SLC9B2: variants seen among roughly 807,000 people sequenced by gnomAD.
SLC9B2 encodes solute carrier family 9 member B2.
In SLC9B2, 39 loss-of-function variants were observed where a neutral mutation model predicts 52.2. The observed-to-expected ratio is 0.75, with a 90% CI of 0.58 to 0.98. The LOEUF (loss-of-function observed/expected upper bound fraction) is 0.98. Among genes scored for constraint, SLC9B2 ranks in the 50% least tolerant of loss-of-function variants. The pLI is 0.00. For missense variants in SLC9B2, 626 were observed against 637.5 expected (o/e 0.98, Z 0.19); for synonymous variants, 214 against 227.0 (o/e 0.94, Z 0.51).
intron 4 of SLC9B2, 107 bp downstream of exon 4, chr4:103,057,694 A>G: frequency 8.0e-7 from 1 of 1,245,800 alleles, no homozygotes; most frequent in Non-Finnish European, 1.1e-6. Flanking sequence ...TGGCTCCAGC[A>G]TGGCAAATAC....
intron 9 of SLC9B2, among the ~76,000 whole-genome samples, chr4:103,036,029 T>G (rs914544935): frequency 6.6e-6 from 1 of 152,176 alleles, no homozygotes; most frequent in Non-Finnish European, 1.5e-5. Context: ...GCAATGGTAC[T>G]GGTACTAAGA....
intron 9 of SLC9B2, among the ~76,000 whole-genome samples, chr4:103,038,692 G>A (rs1270415666): frequency 1.3e-5 from 2 of 152,084 alleles, no homozygotes; most frequent in Non-Finnish European, 2.9e-5. Context: ...ATAAATGGAA[G>A]TTTCATCATG....
In SLC9B2 at chr4:103,026,282, T is replaced by G; in HGVS notation, c.*88A>C. ...CTACACTTTTGGTTCTATTACATTT[T>G]AAGCTTAAACATTACATATTTCAAT... On this transcript the variant is annotated 3_prime_UTR_variant, in exon 12 of 12. Transcript: ENST00000394785. 11 of 1,244,462 alleles carry G rather than the reference T, an allele frequency of 8.8e-6. No homozygotes were observed. The highest frequency in any genetic ancestry group is 1.2e-5 in the Non-Finnish European group (11 of 893,942). 77.1% of individuals were successfully genotyped at this position (1,244,462 alleles called of 1,614,324 possible). A position where few individuals can be genotyped will look rare whatever the true frequency, so the allele number is the denominator to read the frequency against.
At chr4:103,044,070 AT>A (rs1331228432) in intron 8 of SLC9B2, among the ~76,000 whole-genome samples, 13 of 152,044 alleles carry the variant, frequency 8.6e-5, no homozygotes, top group Admixed American at 8.5e-4. Flanking sequence ...AAACTTCTTG[AT>A]CACTTTAGAA....
chr4:103,057,211 T>C (rs1330375375), intron 4 of SLC9B2, among the ~76,000 whole-genome samples: 1 of 150,594 alleles, frequency 6.6e-6, no homozygotes, highest in Non-Finnish European at 1.5e-5. Flanking sequence ...TGTTGAGCAC[T>C]GAATGCTTGT....
intron 9 of SLC9B2, among the ~76,000 whole-genome samples, chr4:103,034,274 C>G (rs1218137516): frequency 6.6e-6 from 1 of 152,048 alleles, no homozygotes; most frequent in Non-Finnish European, 1.5e-5. Context: ...TGACGCTGGA[C>G]CCCTTCCTTA....
At chr4:103,049,202 C>T (rs1006651455) in intron 5 of SLC9B2, among the ~76,000 whole-genome samples, 182 bp from the exon 6 acceptor site, 23 of 152,290 alleles carry the variant, frequency 1.5e-4, no homozygotes, top group African/African-American at 5.5e-4. Context: ...ATTAAGTCCT[C>T]ACTGCAACCT....
At chr4:103,030,089 A>C (rs1287200472) in intron 10 of SLC9B2, among the ~76,000 whole-genome samples, 1 of 152,176 alleles carries the variant, frequency 6.6e-6, no homozygotes, top group Non-Finnish European at 1.5e-5. Context: ...AAACATTGAA[A>C]GTTTGAGAAG....
chr4:103,040,395 T>C (rs1743531667), intron 9 of SLC9B2, among the ~76,000 whole-genome samples: 1 of 152,236 alleles, frequency 6.6e-6, no homozygotes, highest in Admixed American at 6.5e-5. Flanking sequence ...ATTATAATGC[T>C]TCAGACTAGT....
intron 3 of SLC9B2, among the ~76,000 whole-genome samples, chr4:103,062,117 G>C (rs1745696656): frequency 6.6e-6 from 1 of 152,184 alleles, no homozygotes; most frequent in Non-Finnish European, 1.5e-5. Context: ...CAGCAAGGTA[G>C]AATTAAGTGT....
intron 3 of SLC9B2, among the ~76,000 whole-genome samples, chr4:103,061,049 C>T (rs1299615681): frequency 6.6e-6 from 1 of 152,182 alleles, no homozygotes; most frequent in Non-Finnish European, 1.5e-5. Flanking sequence ...CCAACCTGGG[C>T]AGGCTCTAGC....
chr4:103,065,180 GCACACACACA>G (rs58302558), intron 3 of SLC9B2, among the ~76,000 whole-genome samples: 682 of 145,154 alleles, frequency 4.7e-3, no homozygotes, highest in Non-Finnish European at 7.4e-3. Context: ...GTACACACAC[GCACACACACA>G]CACACACACA....
At chr4:103,029,235 C>CT (rs1742487223) in intron 10 of SLC9B2, among the ~76,000 whole-genome samples, 1 of 152,026 alleles carries the variant, frequency 6.6e-6, no homozygotes, top group South Asian at 2.1e-4. Context: ...AAGTAATAAG[C>CT]TTTAAACTAA....
intron 7 of SLC9B2, among the ~76,000 whole-genome samples, chr4:103,045,307 T>G (rs1744023559): frequency 6.6e-6 from 1 of 152,210 alleles, no homozygotes; most frequent in Non-Finnish European, 1.5e-5. Flanking sequence ...TTCTGTGGTC[T>G]CTTGTTATTA....
intron 3 of SLC9B2, among the ~76,000 whole-genome samples, chr4:103,065,177 C>T (rs534418958): frequency 1.6e-4 from 16 of 97,122 alleles, no homozygotes; most frequent in East Asian, 1.2e-3. Flanking sequence ...AATGTACACA[C>T]ACGCACACAC....
intron 4 of SLC9B2, among the ~76,000 whole-genome samples, chr4:103,055,617 T>G (rs979598778): frequency 1.3e-5 from 2 of 151,950 alleles, no homozygotes; most frequent in Admixed American, 6.6e-5. Context: ...TGGTGAATGT[T>G]AGCGAATCCT....
At position 103,057,986 on chromosome 4, in the gene SLC9B2, G is replaced by T. The variant is rs757643122; in HGVS notation, c.272-15C>A. The T allele has an allele frequency of 6.3e-7, 1 of 1,596,180 alleles. No homozygotes were observed. Among genetic ancestry groups the T allele is most frequent in the South Asian group, 1.1e-5 (1 of 87,282 alleles). Reference sequence around the variant, plus strand: ...AATGATGGTAACTGAAATAAACCAGGAATACTAGTTACTATCAATAAGTTG... The same window carrying T: ...AATGATGGTAACTGAAATAAACCAGTAATACTAGTTACTATCAATAAGTTG... On this transcript the variant is annotated splice_polypyrimidine_tract_variant and intron_variant, in intron 3 of 11. Transcript: ENST00000394785.
rs1222183195 is a variant in SLC9B2, at chr4:103,047,109, G to A, written c.831C>T (p.Phe277=). 14 of 1,613,978 alleles carry A rather than the reference G, an allele frequency of 8.7e-6. No homozygotes were observed. The highest frequency in any genetic ancestry group is 1.2e-5 in the Non-Finnish European group (14 of 1,179,932). The part of the protein sequence containing the change: ...VPTLLMAAGS[F]DDILAITGFN... ...AGCCAGTGATGGCCAGAATGTCATCGAAGCTGCCAGCTGCCATGAGCAAGG... is the reference window on the plus strand; with the variant it reads ...AGCCAGTGATGGCCAGAATGTCATCAAAGCTGCCAGCTGCCATGAGCAAGG... The change falls in exon 7 of 12, where the codon TTC becomes TTT. Residue 277 remains phenylalanine (F), a synonymous_variant. Coordinates refer to ENST00000394785, the MANE Select transcript of SLC9B2 (RefSeq NM_178833.7).
chr4:103,070,672 C>T (rs1214390727), intron 1 of SLC9B2, among the ~76,000 whole-genome samples: 1 of 152,204 alleles, frequency 6.6e-6, no homozygotes, highest in Non-Finnish European at 1.5e-5. Context: ...CAACTCCTGA[C>T]CTCAGTGATC....
Sources: gnomAD v4.1 joint callset for allele counts (sites outside exome capture counted in the v4.1 genomes callset) on GRCh38, gnomAD v4.1.1 for gene constraint, MANE v1.5 for transcripts, NCBI Gene and HGNC (gene_info 2026-07-23, HGNC 2026-07-21) for gene names.